ESRRG: variants seen among roughly 807,000 people sequenced by gnomAD.
The protein encoded by ESRRG is estrogen related receptor gamma.
In ESRRG, 13 loss-of-function variants were observed where a neutral mutation model predicts 44.0. That is an observed-to-expected ratio of 0.30 (90% CI 0.19 to 0.47). The LOEUF (loss-of-function observed/expected upper bound fraction) is 0.47, where lower values mean the gene tolerates loss of function less well. Ranked by LOEUF, ESRRG falls within the 20% of genes least tolerant of loss-of-function variation. ESRRG has a pLI of 1.00. For missense variants in ESRRG, 395 were observed against 580.6 expected, an observed-to-expected ratio of 0.68 and a Z score of 3.29; for synonymous variants, 215 against 214.6, an observed-to-expected ratio of 1.00 and a Z score of -0.02.
At chr1:216,721,000 T>C (rs1324016092) in intron 1 of ESRRG, among the ~76,000 whole-genome samples, 1 of 152,240 alleles carries the variant, frequency 6.6e-6, no homozygotes, top group Non-Finnish European at 1.5e-5. Context: ...ATTCATGTGA[T>C]GAGCACACTC....
intron 1 of ESRRG, among the ~76,000 whole-genome samples, chr1:217,012,047 T>C (rs1193442458): frequency 6.6e-6 from 1 of 152,154 alleles, no homozygotes; most frequent in Non-Finnish European, 1.5e-5. Flanking sequence ...AGGGACTCTT[T>C]TTAAGAAGAT....
At chr1:216,805,009 T>C (rs1448517136) in intron 2 of ESRRG, 3 of 152,220 alleles carry the variant, frequency 2.0e-5, no homozygotes, top group Non-Finnish European at 4.4e-5. Flanking sequence ...TTTGCTGTCC[T>C]TCCTGTTCAA....
intron 1 of ESRRG, among the ~76,000 whole-genome samples, chr1:216,684,526 C>T (rs768470294): frequency 4.6e-5 from 7 of 152,146 alleles, no homozygotes; most frequent in Non-Finnish European, 7.3e-5. Context: ...TAATTGCATA[C>T]ATGATGTTTT....
intron 2 of ESRRG, among the ~76,000 whole-genome samples, chr1:216,879,557 C>T (rs1174832257): frequency 6.6e-6 from 1 of 151,276 alleles, no homozygotes; most frequent in African/African-American, 2.4e-5. Flanking sequence ...CACGATGCTG[C>T]ATTAATGCAA....
intron 3 of ESRRG, among the ~76,000 whole-genome samples, chr1:216,577,011 G>A (rs74141610): frequency 0.014 from 2,124 of 152,084 alleles, 61 homozygotes; most frequent in African/African-American, 0.049. Flanking sequence ...CTGCTCAAGA[G>A]GAGGTGGCTG....
At chr1:217,033,152 A>C (rs2082319593) in intron 1 of ESRRG, among the ~76,000 whole-genome samples, 1 of 152,212 alleles carries the variant, frequency 6.6e-6, no homozygotes, top group African/African-American at 2.4e-5. Flanking sequence ...GGAGTTTGCT[A>C]AGGGAAATGT....
chr1:216,588,146 T>C (rs1244185234), intron 3 of ESRRG, among the ~76,000 whole-genome samples: 1 of 152,214 alleles, frequency 6.6e-6, no homozygotes, highest in African/African-American at 2.4e-5. Flanking sequence ...AATAAATAAG[T>C]GAAGTATACC....
At chr1:217,003,549 C>A (rs972976809) in intron 1 of ESRRG, among the ~76,000 whole-genome samples, 1 of 137,430 alleles carries the variant, frequency 7.3e-6, no homozygotes, top group Admixed American at 7.2e-5. Context: ...TAATATTAGG[C>A]TTGAAATATT....
At chr1:216,814,682 C>G (rs557869905) in intron 2 of ESRRG, among the ~76,000 whole-genome samples, 1 of 152,166 alleles carries the variant, frequency 6.6e-6, no homozygotes, top group Non-Finnish European at 1.5e-5. Flanking sequence ...AGGCAAAATA[C>G]TCCAGCACAC....
At chr1:217,111,073 G>A (rs1037826314) in intron 1 of ESRRG, among the ~76,000 whole-genome samples, 1 of 152,132 alleles carries the variant, frequency 6.6e-6, no homozygotes, top group Non-Finnish European at 1.5e-5. Context: ...TGCTCCAAGG[G>A]TGCAGCCATA....
intron 2 of ESRRG, among the ~76,000 whole-genome samples, chr1:216,913,488 A>G (rs2060745765): frequency 6.6e-6 from 1 of 152,202 alleles, no homozygotes; most frequent in Admixed American, 6.5e-5. Flanking sequence ...AAGTGTAGAA[A>G]ACATTATGTT....
At chr1:216,562,219 T>C in intron 5 of ESRRG, among the ~76,000 whole-genome samples, 1 of 152,304 alleles carries the variant, frequency 6.6e-6, no homozygotes, top group East Asian at 1.9e-4. Context: ...AAATAATGGG[T>C]GGTTTGGAAC....
At chr1:216,941,437 C>T (rs1167115216) in intron 1 of ESRRG, among the ~76,000 whole-genome samples, 1 of 152,140 alleles carries the variant, frequency 6.6e-6, no homozygotes, top group Non-Finnish European at 1.5e-5. Flanking sequence ...TACAACTTGT[C>T]ATACTCCCAT....
At chr1:216,710,784 C>T (rs1305126123) in intron 1 of ESRRG, among the ~76,000 whole-genome samples, 1 of 152,114 alleles carries the variant, frequency 6.6e-6, no homozygotes, top group Non-Finnish European at 1.5e-5. Flanking sequence ...GCCCCCACCC[C>T]GCTGCACTGC....
intron 1 of ESRRG, chr1:217,078,073 A>G (rs1407272653): frequency 1.3e-5 from 2 of 152,222 alleles, no homozygotes; most frequent in Non-Finnish European, 2.9e-5. Context: ...CTAATCGGAT[A>G]TTGTATAATG....
chr1:216,898,605 G>A (rs895273327), intron 2 of ESRRG, among the ~76,000 whole-genome samples: 31 of 152,238 alleles, frequency 2.0e-4, no homozygotes, highest in South Asian at 2.1e-4. Flanking sequence ...GCGACAAAGC[G>A]AGACTCTGTC....
intron 1 of ESRRG, among the ~76,000 whole-genome samples, chr1:217,123,100 C>A (rs1269979595): frequency 6.6e-6 from 1 of 152,100 alleles, no homozygotes; most frequent in Admixed American, 6.5e-5. Context: ...GAAATGTTAT[C>A]CGCCTAGCAG....
intron 2 of ESRRG, among the ~76,000 whole-genome samples, chr1:216,908,562 G>T (rs919771026): frequency 3.3e-5 from 5 of 152,136 alleles, no homozygotes; most frequent in Non-Finnish European, 7.4e-5. Flanking sequence ...ATTTCAGCTT[G>T]CTAGGACAGT....
chr1:216,731,406 C>G (rs1481612855), intron 2 of ESRRG, among the ~76,000 whole-genome samples: 3 of 152,128 alleles, frequency 2.0e-5, no homozygotes, highest in Non-Finnish European at 2.9e-5. Context: ...AGACAAAGGT[C>G]TTACTTTTAG....
Sources: gnomAD v4.1 joint callset for allele counts (sites outside exome capture counted in the v4.1 genomes callset) on GRCh38, gnomAD v4.1.1 for gene constraint, MANE v1.5 for transcripts, NCBI Gene and HGNC (gene_info 2026-07-23, HGNC 2026-07-21) for gene names.